LATS2: variants seen among roughly 807,000 people sequenced by gnomAD.
LATS2 encodes the protein large tumor suppressor kinase 2.
In LATS2, 24 loss-of-function variants were observed where a neutral mutation model predicts 76.0. That is an observed-to-expected ratio of 0.32 (90% CI 0.23 to 0.44). The LOEUF is 0.44. LATS2 is among the 20% of genes least tolerant of loss of function. LATS2 has a pLI of 1.00. For synonymous variants in LATS2, 692 were observed against 635.4 expected, an observed-to-expected ratio of 1.09 and a Z score of -1.34; for missense variants, 1,286 against 1,481.2, an observed-to-expected ratio of 0.87 and a Z score of 2.16.
intron 3 of LATS2, among the ~76,000 whole-genome samples, chr13:20,990,781 T>C (rs1870474107): frequency 6.6e-6 from 1 of 152,066 alleles, no homozygotes; most frequent in South Asian, 2.1e-4. Context: ...CTCAGGCCCA[T>C]CACAGGGGAT....
rs1027769914 is a variant in LATS2 at position 20,973,899 on chromosome 13, T to C, written c.*971A>G. On this transcript the variant is annotated 3_prime_UTR_variant, in exon 8 of 8. Transcript: ENST00000382592. ...TACAGAAACGGACATGTGTCCGTGA[T>C]TAAACTTTTTGGCATCGCTGTATTA... is the stretch of plus-strand genomic sequence containing the variant. 9.0e-6 allele frequency: 2 copies of C among 222,580 alleles called. No homozygotes were observed. The highest frequency in any genetic ancestry group is 1.8e-5 in the Non-Finnish European group (2 of 111,948). The allele number at this position is 222,580 out of a possible 1,614,324, so 13.8% of individuals were successfully genotyped here.
At chr13:21,020,953 C>T (rs1736347811) in intron 2 of LATS2, among the ~76,000 whole-genome samples, 1 of 152,196 alleles carries the variant, frequency 6.6e-6, no homozygotes, top group African/African-American at 2.4e-5. Context: ...CTTTAAGCCA[C>T]ACATCCGTGG....
Position 20,989,030 on chromosome 13 carries a change from G to A in LATS2, c.750C>T (p.Gly250=), listed in dbSNP as rs753486909. The A allele has an allele frequency of 6.4e-6, 10 of 1,561,456 alleles. No homozygotes were observed. Among genetic ancestry groups the A allele is most frequent in the African/African-American group, 4.1e-5 (3 of 74,002 alleles). ...GCAGGTGCGGCCGCCCGTAGTGCGCGCCCTGCAGCGGGAAGTGTGCCCCTG... is the reference window on the plus strand; with the variant it reads ...GCAGGTGCGGCCGCCCGTAGTGCGCACCCTGCAGCGGGAAGTGTGCCCCTG... The part of the protein sequence containing the change: ...EAAGAHFPLQ[G]AHYGRPHLLV... Residue 250 remains glycine, a synonymous_variant, in exon 4 of 8, where the codon GGC becomes GGT. Coordinates refer to ENST00000382592, the MANE Select transcript of LATS2 (RefSeq NM_014572.3).
intron 2 of LATS2, among the ~76,000 whole-genome samples, chr13:21,012,227 T>G (rs200061443): frequency 2.0e-5 from 3 of 152,180 alleles, no homozygotes; most frequent in Non-Finnish European, 2.9e-5. Context: ...CATATCTATA[T>G]AGGACACTTA....
intron 2 of LATS2, among the ~76,000 whole-genome samples, chr13:21,004,847 A>T (rs1483979982): frequency 6.6e-6 from 1 of 152,220 alleles, no homozygotes; most frequent in Non-Finnish European, 1.5e-5. Context: ...CAGGTACACT[A>T]AAATTTGGTT....
rs752216344 is a variant in LATS2, at chr13:20,974,865, C to G, written c.*5G>C. The G allele has an allele frequency of 1.9e-6, 3 of 1,596,778 alleles. No individual in the cohort carries two copies. The highest frequency in any genetic ancestry group is 1.7e-6 in the Non-Finnish European group (2 of 1,170,386). On this transcript the variant is annotated 3_prime_UTR_variant, in exon 8 of 8. Transcript: ENST00000382592. ...CAGCGAGTGGTGGGGGTGCCTGGCC[C>G]CCATCTACACGTACACAGGCTGGCA...
chr13:21,031,488 A>G (rs1197077044), intron 2 of LATS2, among the ~76,000 whole-genome samples: 2 of 152,172 alleles, frequency 1.3e-5, no homozygotes, highest in African/African-American at 2.4e-5. Context: ...TAGCCAATAA[A>G]AATTTTTTCA....
In LATS2 at chr13:21,003,401, G is replaced by A. The variant is rs148029816; in HGVS notation, c.343-11997C>T. ...CCTGAGTAGCTGGGACTACAGGTGC[G>A]CCACCACACACAACTAATTTTTGTC... On this transcript the variant is annotated intron_variant, in intron 2 of 7. Transcript: ENST00000382592. Among the ~76,000 whole-genome samples, 527 of 151,064 alleles carry A rather than the reference G, an allele frequency of 3.5e-3. 4 individuals are homozygous for A. Among genetic ancestry groups the A allele is most frequent in the African/African-American group, 0.012 (503 of 41,190 alleles).
chr13:20,974,762 A>C lies in LATS2; in HGVS notation c.*108T>G. Reference sequence around the variant, plus strand: ...GAATTTCAAGTGAAGTAATCGACGGACTAATTTAAAACAAAACAGCCCTCG... The same window carrying C: ...GAATTTCAAGTGAAGTAATCGACGGCCTAATTTAAAACAAAACAGCCCTCG... On this transcript the variant is annotated 3_prime_UTR_variant, in exon 8 of 8. Transcript: ENST00000382592. 1 of 1,180,158 alleles carries C rather than the reference A, an allele frequency of 8.5e-7. No individual in the cohort carries two copies. The highest frequency in any genetic ancestry group is 3.0e-4 in the Middle Eastern group (1 of 3,368). The allele number at this position is 1,180,158 out of a possible 1,614,324, so 73.1% of individuals were successfully genotyped here. A position where few individuals can be genotyped will look rare whatever the true frequency, so the allele number is the denominator to read the frequency against.
chr13:21,004,204 G>A (rs1871166231), intron 2 of LATS2, among the ~76,000 whole-genome samples: 2 of 152,178 alleles, frequency 1.3e-5, no homozygotes, highest in African/African-American at 4.8e-5. Context: ...GGGAAGCTAA[G>A]GCAGGTGGAT....
intron 2 of LATS2, among the ~76,000 whole-genome samples, chr13:21,030,605 A>AAG (rs1565960081): frequency 4.2e-5 from 3 of 71,088 alleles, no homozygotes; most frequent in African/African-American, 1.4e-4. Context: ...AAAAAAAAAA[A>AAG]AAAAAAGAAA....
chr13:20,999,075 C>T (rs976085105), intron 2 of LATS2, among the ~76,000 whole-genome samples: 1 of 152,140 alleles, frequency 6.6e-6, no homozygotes, highest in African/African-American at 2.4e-5. Context: ...GCAGGGGCCC[C>T]GGTGACCTTG....
intron 2 of LATS2, among the ~76,000 whole-genome samples, chr13:20,993,860 G>A (rs1870620694): frequency 1.3e-5 from 2 of 152,126 alleles, no homozygotes; most frequent in African/African-American, 4.8e-5. Flanking sequence ...GATCACCCTG[G>A]AGCTTTTGGC....
At chr13:20,999,057 C>T (rs1050155875) in intron 2 of LATS2, among the ~76,000 whole-genome samples, 7 of 152,252 alleles carry the variant, frequency 4.6e-5, no homozygotes, top group African/African-American at 1.2e-4. Context: ...CAACCTTGTC[C>T]ACGCGAGGCA....
intron 2 of LATS2, among the ~76,000 whole-genome samples, chr13:21,044,957 G>A (rs1371563699): frequency 6.6e-6 from 1 of 151,990 alleles, no homozygotes; most frequent in East Asian, 1.9e-4. Context: ...CAAACTCCTG[G>A]CCTCAAGTGA....
chr13:20,982,389 G>A (rs1009857017), intron 5 of LATS2, among the ~76,000 whole-genome samples: 5 of 152,174 alleles, frequency 3.3e-5, no homozygotes, highest in African/African-American at 9.6e-5. Flanking sequence ...TCAGCTCACC[G>A]CAACCTCTGC....
At chr13:21,054,646 T>C (rs1381074127) in intron 1 of LATS2, among the ~76,000 whole-genome samples, 3 of 152,214 alleles carry the variant, frequency 2.0e-5, no homozygotes, top group Non-Finnish European at 2.9e-5. Flanking sequence ...ATTCAAATAG[T>C]AAAATCAACC....
At chr13:21,021,960 T>C (rs773530007) in intron 2 of LATS2, among the ~76,000 whole-genome samples, 17 of 152,224 alleles carry the variant, frequency 1.1e-4, no homozygotes, top group Non-Finnish European at 1.8e-4. Context: ...ACTATCTGTT[T>C]CCACACTTTC....
At chr13:21,057,938 T>G (rs1206623806) in intron 1 of LATS2, among the ~76,000 whole-genome samples, 2 of 152,222 alleles carry the variant, frequency 1.3e-5, no homozygotes, top group East Asian at 3.8e-4. Flanking sequence ...CAGGGCACTC[T>G]ATGTAATAAA....
Sources: gnomAD v4.1 joint callset for allele counts (sites outside exome capture counted in the v4.1 genomes callset) on GRCh38, gnomAD v4.1.1 for gene constraint, MANE v1.5 for transcripts, NCBI Gene and HGNC (gene_info 2026-07-23, HGNC 2026-07-21) for gene names.